SLC35F4: variants seen among roughly 807,000 people sequenced by gnomAD.
SLC35F4 encodes solute carrier family 35 member F4.
SLC35F4 carries 24 observed loss-of-function variants against 44.2 expected under a neutral mutation model. The observed-to-expected ratio is 0.54, with a 90% CI of 0.39 to 0.76. The LOEUF (loss-of-function observed/expected upper bound fraction) is 0.76, where lower values mean the gene tolerates loss of function less well. Among genes scored for constraint, SLC35F4 ranks in the 30% least tolerant of loss-of-function variants. The pLI, the probability that SLC35F4 is intolerant of heterozygous loss-of-function variation, is 0.00. For missense variants in SLC35F4, 562 were observed against 586.1 expected, an observed-to-expected ratio of 0.96 and a Z score of 0.42; for synonymous variants, 238 against 223.6, an observed-to-expected ratio of 1.06 and a Z score of -0.57.
intron 1 of SLC35F4, among the ~76,000 whole-genome samples, chr14:57,863,266 G>A (rs530361340): frequency 6.6e-6 from 1 of 152,148 alleles, no homozygotes; most frequent in African/African-American, 2.4e-5. Context: ...GCCCATTAAA[G>A]TACCTTCATT....
downstream of SLC35F4, among the ~76,000 whole-genome samples, chr14:57,974,442 C>T (rs1227457146): frequency 6.6e-6 from 1 of 152,208 alleles, no homozygotes; most frequent in Non-Finnish European, 1.5e-5. Flanking sequence ...AGTTAGACTC[C>T]ATCTCTCAAT....
At chr14:57,731,360 A>G (rs1690666333) in intron 1 of SLC35F4, among the ~76,000 whole-genome samples, 1 of 152,200 alleles carries the variant, frequency 6.6e-6, no homozygotes, top group Admixed American at 6.5e-5. Context: ...ATCCCCAAAC[A>G]TTATTTTCTA....
intron 1 of SLC35F4, among the ~76,000 whole-genome samples, chr14:57,955,674 T>G (rs919560061): frequency 6.6e-6 from 1 of 152,108 alleles, no homozygotes; most frequent in Admixed American, 6.5e-5. Flanking sequence ...AAATCATGAG[T>G]GAACTCCCAT....
At chr14:57,798,941 A>G (rs2078120673) in intron 1 of SLC35F4, among the ~76,000 whole-genome samples, 2 of 152,324 alleles carry the variant, frequency 1.3e-5, no homozygotes, top group African/African-American at 4.8e-5. Context: ...CACTCACGCT[A>G]AGAATGAAGT....
chr14:57,827,374 G>A (rs1883899898), intron 1 of SLC35F4, among the ~76,000 whole-genome samples: 1 of 152,100 alleles, frequency 6.6e-6, no homozygotes, highest in African/African-American at 2.4e-5. Flanking sequence ...GAGAGCATCA[G>A]GAAACATAGC....
chr14:57,652,777 C>A (rs1040647761), intron 1 of SLC35F4, among the ~76,000 whole-genome samples: 1 of 152,106 alleles, frequency 6.6e-6, no homozygotes, highest in Non-Finnish European at 1.5e-5. Flanking sequence ...GTGAAAAATC[C>A]TGACTTATGC....
intron 1 of SLC35F4, among the ~76,000 whole-genome samples, chr14:57,717,463 T>C (rs1092044): frequency 0.93 from 141,319 of 152,034 alleles, 66,123 homozygotes; most frequent in Non-Finnish European, 1. Flanking sequence ...GGTGAAATCC[T>C]GTCTCTACTA....
intron 1 of SLC35F4, among the ~76,000 whole-genome samples, chr14:57,652,553 G>C (rs565686711): frequency 3.9e-5 from 6 of 152,136 alleles, no homozygotes; most frequent in African/African-American, 1.4e-4. Context: ...GTCATAACTG[G>C]GAGGTGGGTG....
intron 1 of SLC35F4, among the ~76,000 whole-genome samples, chr14:57,907,829 T>A (rs1041236184): frequency 1.3e-5 from 2 of 152,106 alleles, no homozygotes; most frequent in Non-Finnish European, 2.9e-5. Flanking sequence ...CCTTATTTTT[T>A]TTTATTTTAC....
intron 1 of SLC35F4, among the ~76,000 whole-genome samples, chr14:57,711,911 T>G (rs1400530857): frequency 6.6e-6 from 1 of 152,230 alleles, no homozygotes; most frequent in African/African-American, 2.4e-5. Context: ...ACTGGTTCAC[T>G]TATTTACCAT....
intron 1 of SLC35F4, among the ~76,000 whole-genome samples, chr14:57,707,861 C>T (rs1412130057): frequency 6.6e-6 from 1 of 152,200 alleles, no homozygotes; most frequent in Non-Finnish European, 1.5e-5. Flanking sequence ...TGCTTCTAAA[C>T]TTTAAGCTGT....
At chr14:57,595,325 T>A (rs1215005854) in intron 1 of SLC35F4, among the ~76,000 whole-genome samples, 1 of 152,220 alleles carries the variant, frequency 6.6e-6, no homozygotes, top group African/African-American at 2.4e-5. Context: ...TCTCATCATA[T>A]AGTATCAGTC....
chr14:57,728,441 C>CTTTTTTTTTTTTTTTTTTTTT (rs869064667), intron 1 of SLC35F4, among the ~76,000 whole-genome samples: 1 of 59,026 alleles, frequency 1.7e-5, no homozygotes, highest in Non-Finnish European at 2.9e-5. Flanking sequence ...TTCTTTCTTT[C>CTTTTTTTTTTTTTTTTTTTTT]TTTTTTTTTT....
chr14:57,630,402 GA>G (rs2072712476), intron 1 of SLC35F4: 1 of 669,172 alleles, frequency 1.5e-6, no homozygotes, highest in African/African-American at 1.8e-5. Flanking sequence ...TTCAAACACT[GA>G]AATTAATCTT....
At chr14:57,900,931 C>T (rs1888986355) in intron 1 of SLC35F4, among the ~76,000 whole-genome samples, 1 of 152,184 alleles carries the variant, frequency 6.6e-6, no homozygotes, top group South Asian at 2.1e-4. Context: ...TTTAACATCA[C>T]TGATCATTAA....
At chr14:57,766,117 T>C (rs144169106) in intron 1 of SLC35F4, among the ~76,000 whole-genome samples, 24 of 152,316 alleles carry the variant, frequency 1.6e-4, no homozygotes, top group African/African-American at 5.8e-4. Context: ...TCAGCTCCTA[T>C]TTGCCTATAG....
chr14:57,900,499 T>C (rs1364511492), intron 1 of SLC35F4, among the ~76,000 whole-genome samples: 1 of 152,194 alleles, frequency 6.6e-6, no homozygotes, highest in African/African-American at 2.4e-5. Context: ...CCTCTCTTTC[T>C]AGAAGAGAGA....
At chr14:57,645,317 T>C (rs1216790561) in intron 1 of SLC35F4, among the ~76,000 whole-genome samples, 1 of 152,222 alleles carries the variant, frequency 6.6e-6, no homozygotes, top group Non-Finnish European at 1.5e-5. Context: ...TTTGTAGTTC[T>C]CCTTGAAGAG....
chr14:57,941,123 A>G (rs1250965752), intron 1 of SLC35F4, among the ~76,000 whole-genome samples: 1 of 152,196 alleles, frequency 6.6e-6, no homozygotes, highest in Non-Finnish European at 1.5e-5. Flanking sequence ...ATCTCTGTGG[A>G]AAATAGTTGG....
Sources: gnomAD v4.1 joint callset for allele counts (sites outside exome capture counted in the v4.1 genomes callset) on GRCh38, gnomAD v4.1.1 for gene constraint, MANE v1.5 for transcripts, NCBI Gene and HGNC (gene_info 2026-07-23, HGNC 2026-07-21) for gene names.